LRRC63: variants seen among roughly 807,000 people sequenced by gnomAD.
The protein encoded by LRRC63 is leucine rich repeat containing 63, also known as leucine-rich repeat-containing protein 63.
LRRC63 carries 40 observed loss-of-function variants against 49.5 expected under a neutral mutation model. The observed-to-expected ratio is 0.81, with a 90% CI of 0.63 to 1.05. The LOEUF (loss-of-function observed/expected upper bound fraction) is 1.05, where lower values mean the gene tolerates loss of function less well. Ranked by LOEUF, LRRC63 falls within the 50% of genes least tolerant of loss-of-function variation. The pLI, the probability that LRRC63 is intolerant of heterozygous loss-of-function variation, is 0.00. For missense variants in LRRC63, 636 were observed against 663.1 expected (o/e 0.96, Z 0.45); for synonymous variants, 191 against 221.1 (o/e 0.86, Z 1.21).
chr13:46,226,646 G>A (rs1363376180), intron 2 of LRRC63, among the ~76,000 whole-genome samples: 1 of 152,130 alleles, frequency 6.6e-6, no homozygotes, highest in Non-Finnish European at 1.5e-5. Context: ...CACCCTCCAT[G>A]GGGAGGGAAA....
chr13:46,243,448 A>C (rs1445734555), intron 5 of LRRC63, among the ~76,000 whole-genome samples: 1 of 152,192 alleles, frequency 6.6e-6, no homozygotes, highest in Non-Finnish European at 1.5e-5. Context: ...CTTACCTATC[A>C]ATAAAAACCT....
chr13:46,234,208 A>G, exon 5 of LRRC63: 1 of 1,549,440 alleles, frequency 6.5e-7, no homozygotes, highest in Non-Finnish European at 8.7e-7. Context: ...CCAAAACTGA[A>G]AAAATAGAAT....
rs187835700 is a variant in LRRC63, at chr13:46,271,778, C to T, written c.1550+4806C>T. ...ATTTATAGTTTAAGATCAGTTAACA[C>T]TGAATTTCAAATAAAAGGACTATAA... is the stretch of plus-strand genomic sequence containing the variant. On this transcript the variant is annotated intron_variant, in intron 9 of 9. Transcript: ENST00000595396. 3.3e-5 allele frequency among the ~76,000 whole-genome samples: 5 copies of T among 150,086 alleles called. No homozygotes were observed. The East Asian group carries it at 9.8e-4, about 29-fold the overall frequency.
intron 9 of LRRC63, 86 bp downstream of exon 9, chr13:46,267,058 C>T (rs572912263): frequency 1.6e-6 from 2 of 1,229,742 alleles, no homozygotes; most frequent in African/African-American, 1.5e-5. Context: ...GACAGTGTCA[C>T]TAACATGCAC....
At chr13:46,228,464 A>G (rs1025581673) in intron 3 of LRRC63, among the ~76,000 whole-genome samples, 1 of 152,246 alleles carries the variant, frequency 6.6e-6, no homozygotes, top group African/African-American at 2.4e-5. Context: ...ATAAAGAAGC[A>G]GTGAGAATAC....
intron 9 of LRRC63, among the ~76,000 whole-genome samples, chr13:46,269,528 T>G (rs1201785723): frequency 6.7e-6 from 1 of 150,052 alleles, no homozygotes; most frequent in Non-Finnish European, 1.5e-5. Flanking sequence ...CACAAAAAAA[T>G]CATTTCCATT....
rs2047687306 is a variant in LRRC63 at position 46,266,593 on chromosome 13, C to A, written c.1311-140C>A. On this transcript the variant is annotated intron_variant, in intron 8 of 9. Transcript: ENST00000595396. ...GCTTTATAAATTAATTCTCTTGATT[C>A]TAAAGAAATACTTAAATTCATACTT... 1.4e-5 allele frequency: 10 copies of A among 702,336 alleles called. No homozygotes were observed. In the East Asian group the frequency reaches 2.0e-4, roughly 14 times the overall value. The allele number at this position is 702,336 out of a possible 1,614,324, so 43.5% of individuals were successfully genotyped here. A position where few individuals can be genotyped will look rare whatever the true frequency, so the allele number is the denominator to read the frequency against.
At chr13:46,228,773 G>GT in intron 4 of LRRC63, 40 bp downstream of exon 4, 1 of 1,325,256 alleles carries the variant, frequency 7.5e-7, no homozygotes, top group Non-Finnish European at 1.1e-6. Context: ...GAAAATGTAT[G>GT]TAAGATTATA....
In LRRC63 at chr13:46,237,599, G is replaced by C. The variant is rs138260121; in HGVS notation, c.990+3250G>C. 1.1e-3 allele frequency among the ~76,000 whole-genome samples: 166 copies of C among 151,992 alleles called. 2 individuals are homozygous for C. In the East Asian group the frequency reaches 0.03, roughly 27 times the overall value. On this transcript the variant is annotated intron_variant, in intron 5 of 9. Transcript: ENST00000595396. ...AGAAGGAAGAAAACAATAATGATAA[G>C]AGCAGAGATAAATGAAATAGAGAAT...
chr13:46,223,013 A>C (rs1350139430), intron 2 of LRRC63, among the ~76,000 whole-genome samples: 1 of 142,584 alleles, frequency 7.0e-6, no homozygotes, highest in African/African-American at 2.6e-5. Flanking sequence ...TTGAACAATG[A>C]GAACACATGG....
At position 46,276,854 on chromosome 13, in the gene LRRC63, A is replaced by ATATATATATATATATATT. The variant is rs1555330631; in HGVS notation, c.*64_*65insATATTTATATATATATAT. On this transcript the variant is annotated 3_prime_UTR_variant, in exon 10 of 10. Coordinates refer to ENST00000595396, the Ensembl canonical transcript of LRRC63. ...TATATATATATATATATATATATTT[A>ATATATATATATATATATT]TATATATATATATTTATATATATAT... is the stretch of plus-strand genomic sequence containing the variant. The ATATATATATATATATATT allele has an allele frequency of 6.2e-3, 738 of 118,310 alleles. 7 individuals are homozygous for ATATATATATATATATATT. Among genetic ancestry groups the ATATATATATATATATATT allele is most frequent in the South Asian group, 0.012 (44 of 3,542 alleles). The allele number at this position is 118,310 out of a possible 1,614,324, so 7.3% of individuals were successfully genotyped here.
At chr13:46,228,771 A>G (rs547855646) in intron 4 of LRRC63, 38 bp downstream of exon 4, 6 of 1,331,648 alleles carry the variant, frequency 4.5e-6, no homozygotes, top group South Asian at 3.9e-5. Context: ...TAGAAAATGT[A>G]TGTAAGATTA....
chr13:46,212,894 G>C, intron 1 of LRRC63, 108 bp from the exon 2 acceptor site: 1 of 554,726 alleles, frequency 1.8e-6, no homozygotes, highest in Non-Finnish European at 3.1e-6. Context: ...CCTGGATTCA[G>C]TAGAGTATTG....
intron 7 of LRRC63, among the ~76,000 whole-genome samples, chr13:46,255,562 G>A (rs1195474513): frequency 1.3e-5 from 2 of 151,096 alleles, no homozygotes; most frequent in Non-Finnish European, 2.9e-5. Context: ...CAGTTACATA[G>A]GAGGCTAAGG....
At chr13:46,274,690 A>G (rs965798321) in intron 9 of LRRC63, among the ~76,000 whole-genome samples, 9 of 152,216 alleles carry the variant, frequency 5.9e-5, no homozygotes, top group Non-Finnish European at 1.2e-4. Context: ...TAAGAATGAT[A>G]GAAATTTTTG....
chr13:46,223,955 G>A lies in LRRC63; in HGVS notation c.86-3557G>A, dbSNP rs530297476. On this transcript the variant is annotated intron_variant, in intron 2 of 9. Coordinates refer to ENST00000595396, the Ensembl canonical transcript of LRRC63. ...GGGGTTTCTTTATTGGTGACCAGAT[G>A]CTTTTCTCTTGCTTTTTAAAGGGTA... Among the ~76,000 whole-genome samples, 7 of 152,274 alleles carry A rather than the reference G, an allele frequency of 4.6e-5. No individual in the cohort carries two copies. In the South Asian group the frequency reaches 1.2e-3, roughly 27 times the overall value.
At chr13:46,263,227 A>T (rs2047639122) in intron 8 of LRRC63, among the ~76,000 whole-genome samples, 1 of 151,908 alleles carries the variant, frequency 6.6e-6, no homozygotes, top group Admixed American at 6.6e-5. Flanking sequence ...CCCAGGCTGG[A>T]GTGCAGTGGT....
intron 5 of LRRC63, among the ~76,000 whole-genome samples, chr13:46,234,585 G>C (rs2046855200): frequency 6.6e-6 from 1 of 152,122 alleles, no homozygotes; most frequent in Non-Finnish European, 1.5e-5. Flanking sequence ...CTTAGCATAA[G>C]AGAATTTGAA....
chr13:46,249,720 C>T (rs1457591388), intron 6 of LRRC63, among the ~76,000 whole-genome samples: 2 of 151,760 alleles, frequency 1.3e-5, no homozygotes, highest in Non-Finnish European at 2.9e-5. Context: ...AATTTTGGAC[C>T]TTTATGATGA....
Sources: gnomAD v4.1 joint callset for allele counts (sites outside exome capture counted in the v4.1 genomes callset) on GRCh38, gnomAD v4.1.1 for gene constraint, MANE v1.5 for transcripts, NCBI Gene and HGNC (gene_info 2026-07-23, HGNC 2026-07-21) for gene names.